ARHGEF28: variants seen among roughly 807,000 people sequenced by gnomAD.
The protein encoded by ARHGEF28 is 190 kDa guanine nucleotide exchange factor.
ARHGEF28 carries 152 observed loss-of-function variants against 206.6 expected under a neutral mutation model. The ratio of observed to expected loss-of-function variants is 0.74; its 90% CI spans 0.64 to 0.84. ARHGEF28 has a LOEUF of 0.84. Among genes scored for constraint, ARHGEF28 ranks in the 40% least tolerant of loss-of-function variants. The probability of loss-of-function intolerance (pLI) is 0.00; values close to 1 mark genes in which losing one functional copy is unlikely to be tolerated. For missense variants in ARHGEF28, 2,028 were observed against 2,073.2 expected, an observed-to-expected ratio of 0.98 and a Z score of 0.42; for synonymous variants, 763 against 776.4, an observed-to-expected ratio of 0.98 and a Z score of 0.29.
intron 15 of ARHGEF28, 26 bp downstream of exon 15, chr5:73,857,805 C>A (rs1316675555): frequency 6.3e-7 from 1 of 1,598,058 alleles, no homozygotes; most frequent in Non-Finnish European, 8.5e-7. Context: ...CACTTATTTT[C>A]TATAAAATAT....
intron 2 of ARHGEF28, among the ~76,000 whole-genome samples, chr5:73,691,776 A>G (rs765511862): frequency 1.4e-4 from 21 of 152,198 alleles, no homozygotes; most frequent in Non-Finnish European, 2.9e-4. Flanking sequence ...AACTCACTCT[A>G]ATTAATGAAT....
chr5:73,739,050 T>C (rs536929171), intron 2 of ARHGEF28, among the ~76,000 whole-genome samples: 5 of 152,320 alleles, frequency 3.3e-5, no homozygotes, highest in South Asian at 4.1e-4. Flanking sequence ...AACTTAGTTG[T>C]CTTCCCATAA....
chr5:73,875,329 A>C (rs1374591417), intron 22 of ARHGEF28, among the ~76,000 whole-genome samples: 2 of 150,922 alleles, frequency 1.3e-5, no homozygotes, highest in Non-Finnish European at 3.0e-5. Context: ...GCCCTTTGTC[A>C]GATGAGTAGG....
At chr5:73,859,080 C>T (rs1222651941) in intron 16 of ARHGEF28, among the ~76,000 whole-genome samples, 3 of 152,066 alleles carry the variant, frequency 2.0e-5, no homozygotes, top group African/African-American at 7.2e-5. Flanking sequence ...TCTCCCAGTG[C>T]CTGGCTCATC....
chr5:73,784,966 G>A (rs980936728), intron 7 of ARHGEF28, among the ~76,000 whole-genome samples: 3 of 152,182 alleles, frequency 2.0e-5, no homozygotes, highest in African/African-American at 7.2e-5. Context: ...TGGGCAGGTA[G>A]CATAGGCAGC....
intron 35 of ARHGEF28, among the ~76,000 whole-genome samples, chr5:73,932,081 G>A (rs1002229865): frequency 6.6e-6 from 1 of 152,152 alleles, no homozygotes; most frequent in African/African-American, 2.4e-5. Flanking sequence ...AAATATTTCA[G>A]TTCAAGCATA....
intron 9 of ARHGEF28, among the ~76,000 whole-genome samples, chr5:73,798,829 T>C: frequency 6.6e-6 from 1 of 152,182 alleles, no homozygotes; most frequent in Middle Eastern, 3.2e-3. Context: ...GGCTCATGCA[T>C]GGAATCCCAG....
chr5:73,881,247 A>AT lies in ARHGEF28; in HGVS notation c.2815-1219dup, dbSNP rs1256790665. Among the ~76,000 whole-genome samples the AT allele has an allele frequency of 2.6e-5, 4 of 151,948 alleles. No individual in the cohort carries two copies. The East Asian group carries it at 5.8e-4, about 22-fold the overall frequency. On this transcript the variant is annotated intron_variant, in intron 22 of 35. Transcript: ENST00000513042. ...GAAGAATGAGTCCTTCCACTTTATTATTTTTTCCAAAATTGTTCTAGCTGT... is the reference window on the plus strand; with the variant it reads ...GAAGAATGAGTCCTTCCACTTTATTATTTTTTTCCAAAATTGTTCTAGCTGT...
intron 2 of ARHGEF28, among the ~76,000 whole-genome samples, chr5:73,704,303 T>C (rs948201078): frequency 7.2e-5 from 11 of 152,208 alleles, no homozygotes; most frequent in African/African-American, 2.7e-4. Flanking sequence ...TTCAATCTTC[T>C]TATTTTCATA....
chr5:73,821,444 G>C lies in ARHGEF28; in HGVS notation c.1025-10894G>C, dbSNP rs1049326847. On this transcript the variant is annotated intron_variant, in intron 9 of 35. Transcript: ENST00000513042. ...CATATGGCTCTAGGGATAGGCACTG[G>C]AGAATAGAGCTCCTCATGAATTTGA... 2.6e-5 allele frequency among the ~76,000 whole-genome samples: 4 copies of C among 152,316 alleles called. 1 individual carries two copies. In the East Asian group the frequency reaches 7.7e-4, roughly 29 times the overall value.
Position 73,731,728 on chromosome 5 carries a change from C to T in ARHGEF28, c.34-18109C>T, listed in dbSNP as rs568456221. On this transcript the variant is annotated intron_variant, in intron 2 of 35. Coordinates refer to ENST00000513042, the MANE Select transcript of ARHGEF28 (RefSeq NM_001177693.2). ...GTGATTTCAAGAGGCCCAGAGTAGA[C>T]AGCATAATATTAATATAATCTACAG... Among the ~76,000 whole-genome samples, 3 of 152,210 alleles carry T rather than the reference C, an allele frequency of 2.0e-5. No individual in the cohort carries two copies. The East Asian group carries it at 5.8e-4, about 29-fold the overall frequency.
chr5:73,853,442 T>C (rs896070996), intron 14 of ARHGEF28, among the ~76,000 whole-genome samples: 1 of 152,276 alleles, frequency 6.6e-6, no homozygotes, highest in African/African-American at 2.4e-5. Context: ...ACTAAAACTT[T>C]GAAACGTTTT....
intron 4 of ARHGEF28, 130 bp from the exon 5 acceptor site, chr5:73,773,725 G>T: frequency 1.1e-6 from 1 of 942,054 alleles, no homozygotes; most frequent in Non-Finnish European, 1.5e-6. Flanking sequence ...ACAGTGATTG[G>T]GTGCCATTGT....
intron 1 of ARHGEF28, among the ~76,000 whole-genome samples, chr5:73,629,101 T>A (rs1225034507): frequency 4.6e-5 from 7 of 152,234 alleles, no homozygotes; most frequent in Admixed American, 3.9e-4. Context: ...TTTGATTCTC[T>A]GATCTTTGGA....
chr5:73,756,053 T>C (rs368465630), intron 4 of ARHGEF28, among the ~76,000 whole-genome samples: 3 of 152,326 alleles, frequency 2.0e-5, no homozygotes, highest in African/African-American at 7.2e-5. Flanking sequence ...GATCCTGACC[T>C]TATTACCTCC....
rs961020186 is a variant in ARHGEF28, at chr5:73,904,209, T to C, written c.4075-13T>C. The stretch of plus-strand genomic sequence containing the variant: ...GAATGGTTATTCATTTTCTTGTTTT[T>C]TATGTATTTTAGGTGGAATGTAGAA... On this transcript the variant is annotated splice_polypyrimidine_tract_variant and intron_variant, in intron 31 of 35. Coordinates refer to ENST00000513042, the MANE Select transcript of ARHGEF28 (RefSeq NM_001177693.2). The C allele has an allele frequency of 1.2e-6, 2 of 1,613,170 alleles. No individual in the cohort carries two copies. Among genetic ancestry groups the C allele is most frequent in the East Asian group, 4.5e-5 (2 of 44,874 alleles).
intron 35 of ARHGEF28, among the ~76,000 whole-genome samples, chr5:73,912,843 G>A (rs1762980830): frequency 6.6e-6 from 1 of 152,132 alleles, no homozygotes; most frequent in African/African-American, 2.4e-5. Context: ...TGCTGTGTTG[G>A]TTCATTAATC....
intron 7 of ARHGEF28, among the ~76,000 whole-genome samples, chr5:73,784,125 T>TA (rs35883511): frequency 0.41 from 60,134 of 147,288 alleles, 12,493 homozygotes; most frequent in Non-Finnish European, 0.47. Context: ...AGCTTCCTCT[T>TA]AAAAAAAAAA....
In ARHGEF28 at chr5:73,688,929, C is replaced by G. The variant is rs570476203; in HGVS notation, c.33+4045C>G. Among the ~76,000 whole-genome samples the G allele has an allele frequency of 2.0e-5, 3 of 152,358 alleles. No homozygotes were observed. In the South Asian group the frequency reaches 6.2e-4, roughly 32 times the overall value. ...TCGGCCTCCCAAAGTGCTGGGATTA[C>G]AGGTGTGAGCCATCACACCAGGCCA... is the stretch of plus-strand genomic sequence containing the variant. On this transcript the variant is annotated intron_variant, in intron 2 of 35. Coordinates refer to ENST00000513042, the MANE Select transcript of ARHGEF28 (RefSeq NM_001177693.2).
Sources: gnomAD v4.1 joint callset for allele counts (sites outside exome capture counted in the v4.1 genomes callset) on GRCh38, gnomAD v4.1.1 for gene constraint, MANE v1.5 for transcripts, NCBI Gene and HGNC (gene_info 2026-07-23, HGNC 2026-07-21) for gene names.